Variants in SPIDR observed in about 807,000 individuals in gnomAD.
The protein encoded by SPIDR is scaffold protein involved in DNA repair, also known as DNA repair-scaffolding protein.
In SPIDR, 93 loss-of-function variants were observed where a neutral mutation model predicts 104.6. That is an observed-to-expected ratio of 0.89 (90% CI 0.75 to 1.06). The LOEUF (loss-of-function observed/expected upper bound fraction) is 1.06. SPIDR is among the 50% of genes least tolerant of loss of function. SPIDR has a pLI of 0.00. For missense variants in SPIDR, 1,154 were observed against 1,111.2 expected, an observed-to-expected ratio of 1.04 and a Z score of -0.55; for synonymous variants, 431 against 416.9, an observed-to-expected ratio of 1.03 and a Z score of -0.41.
intron 5 of SPIDR, among the ~76,000 whole-genome samples, chr8:47,382,706 C>T (rs545452990): frequency 6.6e-6 from 1 of 152,296 alleles, no homozygotes; most frequent in South Asian, 2.1e-4. Flanking sequence ...GCCACCAGGC[C>T]CAGCCTGAAG....
chr8:47,565,986 A>ATT (rs2057756018), intron 8 of SPIDR, among the ~76,000 whole-genome samples: 1 of 37,322 alleles, frequency 2.7e-5, no homozygotes. Context: ...ATATATATAT[A>ATT]TATATATTTT....
At chr8:47,505,947 G>T (rs2081413523) in intron 8 of SPIDR, among the ~76,000 whole-genome samples, 1 of 152,052 alleles carries the variant, frequency 6.6e-6, no homozygotes, top group Non-Finnish European at 1.5e-5. Context: ...CATTATTTTT[G>T]AGTATTGCCC....
chr8:47,490,162 A>G (rs1445249440), intron 8 of SPIDR, among the ~76,000 whole-genome samples: 1 of 152,254 alleles, frequency 6.6e-6, no homozygotes, highest in South Asian at 2.1e-4. Flanking sequence ...ACAGGAAAAA[A>G]CAACCCCATC....
intron 6 of SPIDR, among the ~76,000 whole-genome samples, chr8:47,398,292 T>C (rs1484820146): frequency 6.6e-6 from 1 of 152,164 alleles, no homozygotes; most frequent in Non-Finnish European, 1.5e-5. Flanking sequence ...TGCCAAGCAC[T>C]GTTCATGCAC....
chr8:47,654,579 C>T (rs981726966), intron 10 of SPIDR, among the ~76,000 whole-genome samples: 1 of 152,106 alleles, frequency 6.6e-6, no homozygotes, highest in Non-Finnish European at 1.5e-5. Flanking sequence ...GTGTACCCTA[C>T]GAAATATAGA....
chr8:47,466,054 A>T (rs1248944461), intron 8 of SPIDR, among the ~76,000 whole-genome samples: 1 of 152,136 alleles, frequency 6.6e-6, no homozygotes, highest in Non-Finnish European at 1.5e-5. Context: ...AAGAGACTTA[A>T]ACTCCCACAC....
At chr8:47,281,802 G>A (rs1382741424) in intron 2 of SPIDR, among the ~76,000 whole-genome samples, 7 of 152,186 alleles carry the variant, frequency 4.6e-5, no homozygotes, top group African/African-American at 1.2e-4. Flanking sequence ...TGTTCCTAAT[G>A]GCACATAGAA....
intron 6 of SPIDR, among the ~76,000 whole-genome samples, chr8:47,397,794 C>T (rs1022843720): frequency 6.6e-6 from 1 of 152,176 alleles, no homozygotes; most frequent in Non-Finnish European, 1.5e-5. Flanking sequence ...CGATTACTCT[C>T]TTCCGTATTG....
At chr8:47,414,265 A>T (rs782305286) in intron 7 of SPIDR, among the ~76,000 whole-genome samples, 2 of 152,222 alleles carry the variant, frequency 1.3e-5, no homozygotes, top group Non-Finnish European at 2.9e-5. Context: ...ATTGTCAAGT[A>T]TGTAGTTGAC....
intron 8 of SPIDR, among the ~76,000 whole-genome samples, chr8:47,527,228 GTC>G (rs895054385): frequency 5.3e-5 from 8 of 152,142 alleles, no homozygotes; most frequent in African/African-American, 1.9e-4. Context: ...TTTTACCAGA[GTC>G]TGACCAATTG....
intron 14 of SPIDR, among the ~76,000 whole-genome samples, chr8:47,706,325 G>A (rs780658530): frequency 2.6e-5 from 4 of 152,076 alleles, no homozygotes; most frequent in East Asian, 1.9e-4. Flanking sequence ...CCTGGGAGGC[G>A]GAGCTTGCAG....
chr8:47,667,181 T>C (rs1197917599), intron 10 of SPIDR, among the ~76,000 whole-genome samples: 1 of 152,060 alleles, frequency 6.6e-6, no homozygotes, highest in African/African-American at 2.4e-5. Flanking sequence ...CTTGGGAGGC[T>C]GAGGCACAAG....
intron 5 of SPIDR, among the ~76,000 whole-genome samples, chr8:47,362,996 C>A (rs183599181): frequency 1.5e-4 from 23 of 151,802 alleles, no homozygotes; most frequent in Admixed American, 1.0e-3. Context: ...GACAACATAC[C>A]TGTTCTCACC....
chr8:47,350,203 A>T (rs559782039), intron 5 of SPIDR, among the ~76,000 whole-genome samples: 1 of 152,348 alleles, frequency 6.6e-6, no homozygotes, highest in Non-Finnish European at 1.5e-5. Flanking sequence ...ATAACAAAGA[A>T]TATTTGCAGA....
At chr8:47,490,083 A>G (rs2078415713) in intron 8 of SPIDR, among the ~76,000 whole-genome samples, 1 of 152,256 alleles carries the variant, frequency 6.6e-6, no homozygotes, top group South Asian at 2.1e-4. Context: ...GAATGGGAGA[A>G]CATTTTTGCA....
At chr8:47,464,143 CACACACACACACAG>C (rs1554715547) in intron 8 of SPIDR, among the ~76,000 whole-genome samples, 2 of 143,982 alleles carry the variant, frequency 1.4e-5, no homozygotes, top group African/African-American at 2.8e-5. Context: ...CACACACACA[CACACACACACACAG>C]AGCACGTTAG....
chr8:47,408,425 C>A (rs892015712), intron 7 of SPIDR, among the ~76,000 whole-genome samples: 5 of 152,126 alleles, frequency 3.3e-5, no homozygotes, highest in Non-Finnish European at 7.4e-5. Flanking sequence ...GTGCCCAGCT[C>A]CTCTTAGCAA....
intron 8 of SPIDR, among the ~76,000 whole-genome samples, chr8:47,488,919 G>A (rs2078173737): frequency 6.6e-6 from 1 of 152,154 alleles, no homozygotes. Flanking sequence ...AAAACTGGAA[G>A]CATTCCCTTT....
chr8:47,292,123 T>C (rs2040019026), intron 4 of SPIDR, among the ~76,000 whole-genome samples: 1 of 152,226 alleles, frequency 6.6e-6, no homozygotes, highest in Non-Finnish European at 1.5e-5. Flanking sequence ...TGTTGAATTA[T>C]GGAAATCATG....
Sources: allele counts gnomAD v4.1 joint callset (sites outside exome capture counted in the v4.1 genomes callset), GRCh38; gene constraint gnomAD v4.1.1; transcripts MANE v1.5; gene names NCBI Gene and HGNC (gene_info 2026-07-23, HGNC 2026-07-21).